The following IAH1 variants were observed in gnomAD, a reference collection of about 807,000 sequenced individuals.
IAH1 encodes isoamyl acetate-hydrolyzing esterase 1 homolog.
In IAH1, 24 loss-of-function variants were observed where a neutral mutation model predicts 26.7. The ratio of observed to expected loss-of-function variants is 0.90; its 90% confidence interval spans 0.65 to 1.26. The LOEUF (loss-of-function observed/expected upper bound fraction) is 1.26. Ranked by LOEUF, IAH1 falls within the 50% of genes most tolerant of loss-of-function variation. The probability of loss-of-function intolerance (pLI) is 0.00; values close to 1 mark genes in which losing one functional copy is unlikely to be tolerated. For missense variants in IAH1, 300 were observed against 299.9 expected, an observed-to-expected ratio of 1.00 and a Z score of 0.00; for synonymous variants, 140 against 118.5, an observed-to-expected ratio of 1.18 and a Z score of -1.18.
chr2:9,504,495 G>A, the IAH1 span, among the ~76,000 whole-genome samples: 4 of 148,046 alleles, frequency 2.7e-5, no homozygotes, highest in Admixed American at 6.7e-5. Flanking sequence ...TGCCAGGCAC[G>A]GTGCCTCACA....
In IAH1 at chr2:9,476,052, T is replaced by C. The variant is rs779988699; in HGVS notation, c.134+13T>C. 3 of 1,609,354 alleles carry C rather than the reference T, an allele frequency of 1.9e-6. No homozygotes were observed. In the Admixed American group the frequency reaches 5.0e-5, roughly 27 times the overall value. Reference sequence around the variant, plus strand: ...ACAGGCTGGTCAGGTGAGAATGGTTTCCGATACTTGAGTTCTTATGGATGG... The same window carrying C: ...ACAGGCTGGTCAGGTGAGAATGGTTCCCGATACTTGAGTTCTTATGGATGG... On this transcript the variant is annotated intron_variant, in intron 2 of 5. Transcript: ENST00000497473.
At chr2:9,479,793 TGC>T (rs1419581261) in intron 3 of IAH1, among the ~76,000 whole-genome samples, 1 of 128,230 alleles carries the variant, frequency 7.8e-6, no homozygotes, top group East Asian at 2.2e-4. Flanking sequence ...TTCTGTGTAT[TGC>T]TTTTTTTTTT....
chr2:9,496,157 C>A, intron 6 of IAH1, among the ~76,000 whole-genome samples: 1 of 151,852 alleles, frequency 6.6e-6, no homozygotes, highest in South Asian at 2.1e-4. Flanking sequence ...GAAATGGAGT[C>A]TCGCTCTGTT....
chr2:9,478,105 C>G, intron 2 of IAH1, 117 bp from the exon 3 acceptor site: 1 of 854,016 alleles, frequency 1.2e-6, no homozygotes, highest in Admixed American at 3.2e-5. Flanking sequence ...CTGGGGGTGG[C>G]TCAGAGACAC....
chr2:9,482,152 CT>C (rs1171182044), intron 4 of IAH1, among the ~76,000 whole-genome samples: 1 of 151,836 alleles, frequency 6.6e-6, no homozygotes, highest in Non-Finnish European at 1.5e-5. Context: ...CCTCAGCCTC[CT>C]GAGTAGCTGG....
downstream of IAH1, chr2:9,492,861 A>C (rs1218436914): frequency 2.6e-6 from 4 of 1,547,780 alleles, no homozygotes; most frequent in Admixed American, 7.3e-5. Flanking sequence ...TCAAAATTTA[A>C]ATAAAACATT....
chr2:9,475,053 G>A, intron 1 of IAH1: 1 of 1,173,286 alleles, frequency 8.5e-7, no homozygotes, highest in Non-Finnish European at 1.1e-6. Context: ...CCAGCTCCGG[G>A]CAGAGGCGCC....
chr2:9,495,160 C>T (rs1197319506), intron 6 of IAH1, among the ~76,000 whole-genome samples: 1 of 152,252 alleles, frequency 6.6e-6, no homozygotes, highest in Non-Finnish European at 1.5e-5. Context: ...AGGGCCCACA[C>T]TGGCTCCCTG....
chr2:9,481,055 A>G (rs1431414500), intron 3 of IAH1, among the ~76,000 whole-genome samples: 1 of 152,212 alleles, frequency 6.6e-6, no homozygotes, highest in African/African-American at 2.4e-5. Flanking sequence ...GATACTAGTG[A>G]CGAAAAGACA....
Position 9,488,376 on chromosome 2 carries a change from G to A in IAH1, c.*47G>A. The stretch of plus-strand genomic sequence containing the variant: ...CTGCTTGTTATCTACAGAACTCAAA[G>A]TTGTCAATACGTAGAGGTACGCTTT... On this transcript the variant is annotated 3_prime_UTR_variant, in exon 6 of 6. Transcript: ENST00000497473. 2 of 1,466,654 alleles carry A rather than the reference G, an allele frequency of 1.4e-6. No homozygotes were observed. Among genetic ancestry groups the A allele is most frequent in the Non-Finnish European group, 9.2e-7 (1 of 1,088,854 alleles). The allele number at this position is 1,466,654 out of a possible 1,614,324, so 90.9% of individuals were successfully genotyped here. A position where few individuals can be genotyped will look rare whatever the true frequency, so the allele number is the denominator to read the frequency against.
At chr2:9,493,289 C>A (rs745408594), downstream of IAH1, among the ~76,000 whole-genome samples, 1 of 152,136 alleles carries the variant, frequency 6.6e-6, no homozygotes, top group African/African-American at 2.4e-5. Flanking sequence ...CTTAAGAAGA[C>A]AAAGTTTTTG....
At chr2:9,497,347 C>A, downstream of IAH1, 1 of 1,512,800 alleles carries the variant, frequency 6.6e-7, no homozygotes. Flanking sequence ...GAGCATCTTA[C>A]CTTGCAAAAG....
chr2:9,488,516 T>G lies in IAH1; in HGVS notation c.*187T>G. ...TTTCGACAGTATTTATTAATGCAGA[T>G]ATCAGTGCTACAGCTATAAAATATA... On this transcript the variant is annotated 3_prime_UTR_variant, in exon 6 of 6. Transcript: ENST00000497473. 1 of 479,240 alleles carries G rather than the reference T, an allele frequency of 2.1e-6. No homozygotes were observed. Among genetic ancestry groups the G allele is most frequent in the Non-Finnish European group, 3.6e-6 (1 of 274,652 alleles). The allele number at this position is 479,240 out of a possible 1,614,324, so 29.7% of individuals were successfully genotyped here. A position where few individuals can be genotyped will look rare whatever the true frequency, so the allele number is the denominator to read the frequency against.
intron 5 of IAH1, chr2:9,487,371 C>T (rs1283770643): frequency 6.6e-6 from 1 of 152,182 alleles, no homozygotes; most frequent in Non-Finnish European, 1.5e-5. Context: ...TAAAAACCTG[C>T]CTAGAGTCAA....
At chr2:9,505,259 T>G in the IAH1 span, 1 of 1,614,178 alleles carries the variant, frequency 6.2e-7, no homozygotes. Context: ...TTCTCCTTCA[T>G]CCACCCTCGA....
chr2:9,479,707 G>A (rs1438146242), intron 3 of IAH1, among the ~76,000 whole-genome samples: 8 of 150,910 alleles, frequency 5.3e-5, no homozygotes, highest in East Asian at 2.0e-4. Flanking sequence ...GGCAATATGC[G>A]CCAAGGGACG....
At chr2:9,477,376 A>G (rs762337248) in intron 2 of IAH1, among the ~76,000 whole-genome samples, 1 of 152,180 alleles carries the variant, frequency 6.6e-6, no homozygotes, top group Admixed American at 6.5e-5. Context: ...TTTTAAGAAA[A>G]CTTTATGGAC....
intron 4 of IAH1, among the ~76,000 whole-genome samples, chr2:9,483,535 CCAG>C (rs1294586421): frequency 2.0e-5 from 3 of 152,210 alleles, no homozygotes; most frequent in Non-Finnish European, 4.4e-5. Flanking sequence ...AGAGCCTGGG[CCAG>C]CATAGGTCCT....
chr2:9,484,875 G>C, intron 5 of IAH1: 1 of 235,832 alleles, frequency 4.2e-6, no homozygotes, highest in South Asian at 9.0e-5. Flanking sequence ...CTTGTTAATA[G>C]GTAAAACAAT....
Sources: gnomAD v4.1 joint callset for allele counts (sites outside exome capture counted in the v4.1 genomes callset) on GRCh38, gnomAD v4.1.1 for gene constraint, MANE v1.5 for transcripts, NCBI Gene and HGNC (gene_info 2026-07-23, HGNC 2026-07-21) for gene names.